Variants in KCNH5 observed in about 807,000 individuals in gnomAD.
KCNH5 encodes the protein potassium voltage-gated channel subfamily H member 5, also known as voltage-gated delayed rectifier potassium channel KCNH5.
KCNH5 carries 46 observed loss-of-function variants against 96.1 expected under a neutral mutation model. That is an observed-to-expected ratio of 0.48 (90% confidence interval 0.38 to 0.61). The LOEUF is 0.61. Ranked by LOEUF, KCNH5 falls within the 20% of genes least tolerant of loss-of-function variation. The probability of loss-of-function intolerance (pLI) is 0.00; values close to 1 mark genes in which losing one functional copy is unlikely to be tolerated. For missense variants in KCNH5, 907 were observed against 1,225.8 expected (o/e 0.74, Z 3.88); for synonymous variants, 439 against 449.8 (o/e 0.98, Z 0.30).
intron 10 of KCNH5, among the ~76,000 whole-genome samples, chr14:62,734,215 G>A (rs879322022): frequency 1.8e-4 from 28 of 151,636 alleles, no homozygotes; most frequent in Admixed American, 2.6e-4. Flanking sequence ...AAAATCACCC[G>A]TCATCATTCC....
intron 10 of KCNH5, among the ~76,000 whole-genome samples, chr14:62,723,026 T>C (rs1374098846): frequency 6.6e-6 from 1 of 152,180 alleles, no homozygotes; most frequent in Non-Finnish European, 1.5e-5. Context: ...GACTATTCCA[T>C]TGTCCCCAGA....
intron 7 of KCNH5, among the ~76,000 whole-genome samples, chr14:62,879,558 C>T (rs116488026): frequency 0.015 from 2,336 of 152,138 alleles, 59 homozygotes; most frequent in African/African-American, 0.053. Flanking sequence ...TCTACAGTCA[C>T]GTATCTTGTA....
At chr14:62,815,508 C>CA (rs568208513) in intron 8 of KCNH5, among the ~76,000 whole-genome samples, 1 of 152,056 alleles carries the variant, frequency 6.6e-6, no homozygotes, top group East Asian at 1.9e-4. Flanking sequence ...ACCACACACA[C>CA]AAAAAATGGA....
intron 8 of KCNH5, among the ~76,000 whole-genome samples, chr14:62,832,599 C>G (rs73274740): frequency 6.6e-6 from 1 of 152,000 alleles, no homozygotes; most frequent in East Asian, 1.9e-4. Flanking sequence ...ATTTTGAGTT[C>G]GATTCTTTTG....
At chr14:62,810,792 T>C (rs967049251) in intron 8 of KCNH5, among the ~76,000 whole-genome samples, 4 of 152,136 alleles carry the variant, frequency 2.6e-5, no homozygotes, top group African/African-American at 9.7e-5. Context: ...GCTTTGTGTA[T>C]GGAGTAGCCA....
chr14:62,996,963 G>T (rs1890916344), intron 4 of KCNH5, among the ~76,000 whole-genome samples: 5 of 152,276 alleles, frequency 3.3e-5, no homozygotes, highest in Admixed American at 1.3e-4. Flanking sequence ...TCACAAATCA[G>T]ATGCCAATTA....
chr14:62,847,167 T>A (rs994686846), intron 8 of KCNH5, among the ~76,000 whole-genome samples: 3 of 144,390 alleles, frequency 2.1e-5, no homozygotes, highest in Non-Finnish European at 4.6e-5. Flanking sequence ...ATATATATAT[T>A]ATATATATAA....
intron 6 of KCNH5, among the ~76,000 whole-genome samples, chr14:62,964,233 C>T (rs1406540644): frequency 6.6e-6 from 1 of 152,024 alleles, no homozygotes; most frequent in African/African-American, 2.4e-5. Context: ...TCTAAGGTAC[C>T]ACTGTTATTT....
chr14:62,791,222 C>G (rs1259756057), intron 9 of KCNH5, among the ~76,000 whole-genome samples: 1 of 151,684 alleles, frequency 6.6e-6, no homozygotes, highest in Non-Finnish European at 1.5e-5. Flanking sequence ...AGTAAATACA[C>G]AGTCAAAAGC....
At chr14:62,899,085 C>T (rs1442145350) in intron 7 of KCNH5, among the ~76,000 whole-genome samples, 2 of 152,042 alleles carry the variant, frequency 1.3e-5, no homozygotes, top group Non-Finnish European at 2.9e-5. Context: ...TAAATAATTA[C>T]AGATTTGGAC....
intron 8 of KCNH5, among the ~76,000 whole-genome samples, chr14:62,823,900 T>C (rs1236836176): frequency 1.3e-5 from 2 of 152,064 alleles, no homozygotes; most frequent in Admixed American, 1.3e-4. Flanking sequence ...TTATTTGTTA[T>C]TTAAAAACAA....
chr14:62,745,205 C>T (rs1452139927), intron 10 of KCNH5, among the ~76,000 whole-genome samples: 2 of 152,142 alleles, frequency 1.3e-5, no homozygotes, highest in African/African-American at 4.8e-5. Flanking sequence ...TGGCTGGTTA[C>T]TCAGTTTGCT....
At chr14:62,763,841 T>C (rs528421364) in intron 10 of KCNH5, among the ~76,000 whole-genome samples, 6 of 152,228 alleles carry the variant, frequency 3.9e-5, no homozygotes, top group Admixed American at 6.5e-5. Context: ...CAGGAATAAA[T>C]TGAAACACTG....
intron 7 of KCNH5, among the ~76,000 whole-genome samples, chr14:62,937,296 C>A (rs923848481): frequency 6.6e-6 from 1 of 152,160 alleles, no homozygotes; most frequent in Non-Finnish European, 1.5e-5. Flanking sequence ...CTCTCCTTGA[C>A]CTGTCTGTCT....
intron 4 of KCNH5, among the ~76,000 whole-genome samples, chr14:62,992,197 T>C (rs1890822208): frequency 1.3e-5 from 2 of 152,118 alleles, no homozygotes; most frequent in South Asian, 2.1e-4. Flanking sequence ...CCATTGTGTA[T>C]ATATGCCACA....
intron 6 of KCNH5, among the ~76,000 whole-genome samples, chr14:62,969,411 T>C (rs567031396): frequency 1.3e-5 from 2 of 151,974 alleles, no homozygotes; most frequent in African/African-American, 4.8e-5. Flanking sequence ...CAGAAATAAA[T>C]GAAATTGAAA....
intron 9 of KCNH5, among the ~76,000 whole-genome samples, chr14:62,789,097 C>G (rs1162566785): frequency 6.6e-6 from 1 of 152,088 alleles, no homozygotes; most frequent in East Asian, 1.9e-4. Context: ...CCACCCTACT[C>G]CACATCCCCA....
chr14:62,934,988 T>C (rs1430836803), intron 7 of KCNH5, among the ~76,000 whole-genome samples: 2 of 152,078 alleles, frequency 1.3e-5, no homozygotes, highest in Admixed American at 6.6e-5. Flanking sequence ...CAGCTTCCCA[T>C]CCAGAACTCT....
intron 1 of KCNH5, among the ~76,000 whole-genome samples, chr14:63,025,209 A>G (rs1440244219): frequency 1.3e-5 from 2 of 152,154 alleles, no homozygotes; most frequent in East Asian, 1.9e-4. Flanking sequence ...AACTCTCAAC[A>G]TATTAGGTTT....
Sources: allele counts gnomAD v4.1 joint callset (sites outside exome capture counted in the v4.1 genomes callset), GRCh38; gene constraint gnomAD v4.1.1; transcripts MANE v1.5; gene names NCBI Gene and HGNC (gene_info 2026-07-23, HGNC 2026-07-21).